IL34: variants seen among roughly 807,000 people sequenced by gnomAD.
IL34 encodes the protein interleukin-34.
Under a neutral mutation model 25.3 loss-of-function variants are expected in IL34, and 17 were observed. The observed-to-expected ratio is 0.67, with a 90% CI of 0.46 to 1.01. The LOEUF is 1.01. Ranked by LOEUF, IL34 falls within the 50% of genes least tolerant of loss-of-function variation. The pLI is 0.00. For missense variants in IL34, 368 were observed against 312.9 expected, an observed-to-expected ratio of 1.18 and a Z score of -1.33; for synonymous variants, 174 against 140.9, an observed-to-expected ratio of 1.23 and a Z score of -1.66.
At chr16:70,605,660 CTCTCT>C (rs1212543291) in intron 1 of IL34, among the ~76,000 whole-genome samples, 3 of 152,060 alleles carry the variant, frequency 2.0e-5, no homozygotes, top group South Asian at 2.1e-4. Flanking sequence ...GAGACCTCTT[CTCTCT>C]TCTCTTCTCT....
chr16:70,655,747 T>A (rs2052202233), intron 2 of IL34, among the ~76,000 whole-genome samples: 4 of 152,110 alleles, frequency 2.6e-5, no homozygotes, highest in Admixed American at 2.6e-4. Flanking sequence ...GTCACTCTGT[T>A]GTCCAGGCTG....
chr16:70,647,265 T>A (rs1181039593), intron 1 of IL34, among the ~76,000 whole-genome samples: 1 of 152,106 alleles, frequency 6.6e-6, no homozygotes, highest in Non-Finnish European at 1.5e-5. Flanking sequence ...ATCTCACCTT[T>A]CCAGGCTTGT....
intron 1 of IL34, among the ~76,000 whole-genome samples, chr16:70,650,179 G>C (rs1256326489): frequency 2.6e-5 from 4 of 152,196 alleles, no homozygotes; most frequent in Non-Finnish European, 4.4e-5. Flanking sequence ...CACTGGCTGT[G>C]GGGTTCCTGG....
At chr16:70,636,780 CAAAA>C (rs1350894587) in intron 1 of IL34, among the ~76,000 whole-genome samples, 1 of 151,698 alleles carries the variant, frequency 6.6e-6, no homozygotes, top group African/African-American at 2.4e-5. Flanking sequence ...ACAAACAAAA[CAAAA>C]CAAAACAAAA....
At chr16:70,643,372 C>T (rs1324854450), upstream of IL34, among the ~76,000 whole-genome samples, 1 of 151,410 alleles carries the variant, frequency 6.6e-6, no homozygotes, top group Non-Finnish European at 1.5e-5. Context: ...CTGTTGCACA[C>T]TTTATTTATT....
At chr16:70,593,046 C>T (rs1001771329) in intron 1 of IL34, among the ~76,000 whole-genome samples, 4 of 152,188 alleles carry the variant, frequency 2.6e-5, no homozygotes, top group Admixed American at 6.5e-5. Context: ...AGGCTGGTCT[C>T]GAACTGCTGG....
At chr16:70,649,471 T>G (rs1430507525) in intron 1 of IL34, among the ~76,000 whole-genome samples, 1 of 152,202 alleles carries the variant, frequency 6.6e-6, no homozygotes, top group African/African-American at 2.4e-5. Context: ...GGAATGCTGC[T>G]TCTGCCCCGT....
chr16:70,659,829 C>T, intron 5 of IL34, 76 bp downstream of exon 5: 1 of 1,531,720 alleles, frequency 6.5e-7, no homozygotes. Context: ...GCTGGCAGAG[C>T]TGGCGTCCTC....
upstream of IL34, among the ~76,000 whole-genome samples, chr16:70,642,707 G>A (rs1436234707): frequency 6.6e-6 from 1 of 152,102 alleles, no homozygotes; most frequent in Non-Finnish European, 1.5e-5. Context: ...CCACATTAGG[G>A]GTTACAACTT....
At chr16:70,653,363 A>AAAAAAAAAAAC (rs2052129391) in intron 1 of IL34, among the ~76,000 whole-genome samples, 1 of 150,414 alleles carries the variant, frequency 6.6e-6, no homozygotes, top group Non-Finnish European at 1.5e-5. Flanking sequence ...AAAAAAAAAA[A>AAAAAAAAAAAC]GCCCCAACAA....
intron 1 of IL34, among the ~76,000 whole-genome samples, chr16:70,586,839 C>T (rs765394490): frequency 2.8e-4 from 42 of 152,174 alleles, no homozygotes; most frequent in African/African-American, 6.5e-4. Context: ...GTCACGCAGG[C>T]GGGAGGTGGC....
At position 70,604,666 on chromosome 16, in the gene IL34, C is replaced by T. The variant is rs145538689; in HGVS notation, c.-401+24617C>T. Among the ~76,000 whole-genome samples the T allele has an allele frequency of 3.9e-5, 6 of 152,316 alleles. No homozygotes were observed. In the East Asian group the frequency reaches 5.8e-4, roughly 15 times the overall value. Reference sequence around the variant, plus strand: ...GCCCAATCCCTGGCAGTGGATCAGCCGTGCCAGGTCTAGATTGGACTTAAA... The same window carrying T: ...GCCCAATCCCTGGCAGTGGATCAGCTGTGCCAGGTCTAGATTGGACTTAAA... On this transcript the variant is annotated intron_variant, in intron 1 of 6. Transcript: ENST00000429149.
At chr16:70,638,522 C>G (rs191542601) in intron 1 of IL34, among the ~76,000 whole-genome samples, 1 of 152,028 alleles carries the variant, frequency 6.6e-6, no homozygotes. Context: ...CTGACCCCCC[C>G]ACTCTCTCTC....
At chr16:70,626,108 A>G (rs2051387931) in intron 1 of IL34, among the ~76,000 whole-genome samples, 1 of 152,208 alleles carries the variant, frequency 6.6e-6, no homozygotes, top group Admixed American at 6.5e-5. Context: ...TGAGTCCAAA[A>G]AGAGAGTCAG....
chr16:70,637,105 C>A (rs969772410), intron 1 of IL34, among the ~76,000 whole-genome samples: 2 of 151,942 alleles, frequency 1.3e-5, no homozygotes, highest in African/African-American at 4.8e-5. Flanking sequence ...CGTGATCTGC[C>A]TGCCTCGGCC....
intron 1 of IL34, among the ~76,000 whole-genome samples, chr16:70,606,847 T>A (rs527368739): frequency 6.6e-6 from 1 of 152,272 alleles, no homozygotes; most frequent in Admixed American, 6.5e-5. Flanking sequence ...CCCAGCCTCC[T>A]AAAGTGGTGG....
intron 1 of IL34, among the ~76,000 whole-genome samples, chr16:70,614,775 G>C (rs975622960): frequency 1.3e-5 from 2 of 152,226 alleles, no homozygotes; most frequent in Non-Finnish European, 2.9e-5. Context: ...GCTGTTACAG[G>C]TGATAAAACT....
Position 70,646,862 on chromosome 16 carries a change from C to A in IL34, c.-86C>A. 1 of 1,319,700 alleles carries A rather than the reference C, an allele frequency of 7.6e-7. No homozygotes were observed. Among genetic ancestry groups the A allele is most frequent in the Non-Finnish European group, 1.0e-6 (1 of 994,170 alleles). 81.7% of individuals were successfully genotyped at this position (1,319,700 alleles called of 1,614,324 possible). On this transcript the variant is annotated 5_prime_UTR_variant, in exon 1 of 6. Coordinates refer to ENST00000288098, the MANE Select transcript of IL34 (RefSeq NM_001393494.1). ...GACTGAGTGACCACCTCTGCTGCCC[C>A]GAGGCCATGTAGGCCGTGCTTAGGC...
rs889733429 is a variant in IL34, at chr16:70,660,105, C to T, written c.647C>T (p.Pro216Leu). ...QYAATQLYPP[P>L]PWSPSSPPHS... ...GCGGCCACCCAGCTGTACCCTCCGCCCCCGTGGTCCCCCAGCTCCCCGCCT... is the reference window on the plus strand; with the variant it reads ...GCGGCCACCCAGCTGTACCCTCCGCTCCCGTGGTCCCCCAGCTCCCCGCCT... Residue 216 changes from proline to leucine, a missense_variant, in exon 6 of 6, where the codon CCC (proline) becomes CTC (leucine). By Grantham distance (98) the Pro-to-Leu change is moderately conservative (BLOSUM62 -3). Transcript: ENST00000288098. The T allele has an allele frequency of 6.2e-7, 1 of 1,613,464 alleles. No individual in the cohort carries two copies. Among genetic ancestry groups the T allele is most frequent in the Admixed American group, 1.7e-5 (1 of 59,966 alleles).
Sources: allele counts gnomAD v4.1 joint callset (sites outside exome capture counted in the v4.1 genomes callset), GRCh38; gene constraint gnomAD v4.1.1; transcripts MANE v1.5; gene names NCBI Gene and HGNC (gene_info 2026-07-23, HGNC 2026-07-21).